CCDC24: variants seen among roughly 807,000 people sequenced by gnomAD.
CCDC24 encodes coiled-coil domain-containing protein 24.
In CCDC24, 34 loss-of-function variants were observed where a neutral mutation model predicts 31.6. The ratio of observed to expected loss-of-function variants is 1.08; its 90% CI spans 0.82 to 1.43. CCDC24 has a LOEUF of 1.43. Among genes scored for constraint, CCDC24 ranks in the 40% most tolerant of loss-of-function variants. The probability of loss-of-function intolerance (pLI) is 0.00; values close to 1 mark genes in which losing one functional copy is unlikely to be tolerated. For missense variants in CCDC24, 426 were observed against 391.1 expected (o/e 1.09, Z -0.75); for synonymous variants, 175 against 157.3 (o/e 1.11, Z -0.84).
At chr1:43,992,696 A>G (rs987985609) in intron 4 of CCDC24, 57 bp downstream of exon 4, 14 of 1,524,332 alleles carry the variant, frequency 9.2e-6, no homozygotes, top group Non-Finnish European at 1.3e-5. Context: ...GCCCTAGCCC[A>G]CTGGTGGGTT....
Position 43,991,786 on chromosome 1 carries a change from G to A in CCDC24, c.-33+40G>A, listed in dbSNP as rs925574402. 6 of 1,493,606 alleles carry A rather than the reference G, an allele frequency of 4.0e-6. No individual in the cohort carries two copies. In the African/African-American group the frequency reaches 8.3e-5, roughly 21 times the overall value. The allele number at this position is 1,493,606 out of a possible 1,614,324, so 92.5% of individuals were successfully genotyped here. ...AGGGCGGGGCCCATAGAGGGGCGGG[G>A]TTTGGTGAGCGTTGCCGGCGGGCCC... On this transcript the variant is annotated intron_variant, in intron 1 of 8. Transcript: ENST00000372318.
Position 43,992,022 on chromosome 1 carries a change from G to T in CCDC24, c.126+18G>T. 6.7e-7 allele frequency: 1 copy of T among 1,488,344 alleles called. No homozygotes were observed. The highest frequency in any genetic ancestry group is 1.3e-5 in the South Asian group (1 of 75,228). 92.2% of individuals were successfully genotyped at this position (1,488,344 alleles called of 1,614,324 possible). On this transcript the variant is annotated intron_variant, in intron 2 of 8. Transcript: ENST00000372318. ...GGGCGGAGGTGGGGAGAGGGAAGGT[G>T]GGCCACGCCCCTGGCCTGCCCCACG...
In CCDC24 at chr1:43,991,633, G is replaced by A. The variant is rs12403036; in HGVS notation, c.-146G>A. The A allele has an allele frequency of 0.67, 473,318 of 706,032 alleles. 167,701 individuals are homozygous for A. The highest frequency in any genetic ancestry group is 0.76 in the Non-Finnish European group (293,351 of 388,442). The allele number at this position is 706,032 out of a possible 1,614,324, so 43.7% of individuals were successfully genotyped here. On this transcript the variant is annotated 5_prime_UTR_variant, in exon 1 of 9. Coordinates refer to ENST00000372318, the MANE Select transcript of CCDC24 (RefSeq NM_152499.4). ...GCTAGGGCCCTGGTTCCCACTGCCTGGTTTCTGGGCCCCCGGCATCCGAGT... is the reference window on the plus strand; with the variant it reads ...GCTAGGGCCCTGGTTCCCACTGCCTAGTTTCTGGGCCCCCGGCATCCGAGT...
intron 4 of CCDC24, 99 bp downstream of exon 4, chr1:43,992,738 C>T (rs943387196): frequency 1.8e-5 from 19 of 1,078,554 alleles, no homozygotes; most frequent in East Asian, 2.5e-5. Flanking sequence ...ATTCCAGTCA[C>T]GGGCTGGGCA....
chr1:43,996,481 G>T lies in CCDC24; in HGVS notation c.*321G>T, dbSNP rs199629914. The T allele has an allele frequency of 2.8e-6, 1 of 353,376 alleles. No homozygotes were observed. The highest frequency in any genetic ancestry group is 2.1e-5 in the African/African-American group (1 of 47,528). The allele number at this position is 353,376 out of a possible 1,614,324, so 21.9% of individuals were successfully genotyped here. On this transcript the variant is annotated 3_prime_UTR_variant, in exon 9 of 9. Coordinates refer to ENST00000372318, the MANE Select transcript of CCDC24 (RefSeq NM_152499.4). Reference sequence around the variant, plus strand: ...GGGACCCAGACAAAGCACAGCAGCCGCTCAGAGACAGGAATAGAAATTTCA... The same window carrying T: ...GGGACCCAGACAAAGCACAGCAGCCTCTCAGAGACAGGAATAGAAATTTCA...
intron 4 of CCDC24, 98 bp from the exon 5 acceptor site, chr1:43,993,789 C>A: frequency 8.7e-7 from 1 of 1,153,390 alleles, no homozygotes; most frequent in Non-Finnish European, 1.3e-6. Flanking sequence ...TATTATATTG[C>A]CTTTGTGAGA....
rs2085851784 is a variant in CCDC24 at position 43,996,128 on chromosome 1, A to G, written c.892A>G (p.Met298Val). ...SPREGPASTP[M>V]SSAAPQAPA The stretch of plus-strand genomic sequence containing the variant: ...CAGGGAAGGGCCAGCTTCCACACCC[A>G]TGTCCAGTGCAGCACCCCAAGCCCC... Residue 298 changes from methionine (M) to valine (V), a missense_variant, in exon 9 of 9, where the codon ATG (methionine) becomes GTG (valine). Met to Val is a conservative substitution (Grantham distance 21). Transcript: ENST00000372318. 6.2e-7 allele frequency: 1 copy of G among 1,611,106 alleles called. No individual in the cohort carries two copies. The highest frequency in any genetic ancestry group is 1.3e-5 in the African/African-American group (1 of 74,882).
At position 43,995,271 on chromosome 1, in the gene CCDC24, G is replaced by C; in HGVS notation, c.552+109G>C. On this transcript the variant is annotated intron_variant, in intron 6 of 8. Transcript: ENST00000372318. This position sits in a 1 kb window ranked among gnomAD's most constrained non-coding sequence, Gnocchi z 4.3. Reference sequence around the variant, plus strand: ...ATACATAGGTGCATGTACAGGCTATGTGAGTCCTGCATCCATTTCTCAGGG... The same window carrying C: ...ATACATAGGTGCATGTACAGGCTATCTGAGTCCTGCATCCATTTCTCAGGG... 9.0e-7 allele frequency: 1 copy of C among 1,114,684 alleles called. No individual in the cohort carries two copies. The highest frequency in any genetic ancestry group is 1.3e-6 in the Non-Finnish European group (1 of 766,904). 69.0% of individuals were successfully genotyped at this position (1,114,684 alleles called of 1,614,324 possible).
rs773121666 is a variant in CCDC24, at chr1:43,992,649, T to C, written c.419+10T>C. ...GAGGTGGTGGGCCCAGGTAAGGTGA[T>C]GGTAGGAGAGAGGGATCTGTCCCTG... On this transcript the variant is annotated intron_variant, in intron 4 of 8. Transcript: ENST00000372318. 1.2e-6 allele frequency: 2 copies of C among 1,612,752 alleles called. No individual in the cohort carries two copies. The highest frequency in any genetic ancestry group is 3.3e-5 in the Admixed American group (2 of 60,004).
rs755769696 is a variant in CCDC24 at position 43,995,727 on chromosome 1, G to A, written c.623-51G>A. On this transcript the variant is annotated intron_variant, in intron 7 of 8. Transcript: ENST00000372318. The surrounding 1 kb of genome is among the most constrained non-coding windows in gnomAD (Gnocchi z 4.3). ...AGCCTCCTGCTCCCACCCCACACTTGTACACACCCTAGAAGAGCTGGGCAC... is the reference window on the plus strand; with the variant it reads ...AGCCTCCTGCTCCCACCCCACACTTATACACACCCTAGAAGAGCTGGGCAC... The A allele has an allele frequency of 5.6e-6, 9 of 1,613,292 alleles. No individual in the cohort carries two copies. The Admixed American group carries it at 1.5e-4, about 27-fold the overall frequency.
rs1194511529 is a variant in CCDC24 at position 43,995,236 on chromosome 1, A to C, written c.552+74A>C. On this transcript the variant is annotated intron_variant, in intron 6 of 8. Coordinates refer to ENST00000372318, the MANE Select transcript of CCDC24 (RefSeq NM_152499.4). This position sits in a 1 kb window ranked among gnomAD's most constrained non-coding sequence, Gnocchi z 4.3. Reference sequence around the variant, plus strand: ...ACTCTCACCTGGGTGAGACCCATGTACCTGTGTGCATACATAGGTGCATGT... The same window carrying C: ...ACTCTCACCTGGGTGAGACCCATGTCCCTGTGTGCATACATAGGTGCATGT... 1 of 1,414,642 alleles carries C rather than the reference A, an allele frequency of 7.1e-7. No individual in the cohort carries two copies. The highest frequency in any genetic ancestry group is 9.7e-7 in the Non-Finnish European group (1 of 1,032,688). The allele number at this position is 1,414,642 out of a possible 1,614,324, so 87.6% of individuals were successfully genotyped here. A position where few individuals can be genotyped will look rare whatever the true frequency, so the allele number is the denominator to read the frequency against.
chr1:43,993,640 T>A (rs1439150820), intron 4 of CCDC24, among the ~76,000 whole-genome samples: 2 of 147,398 alleles, frequency 1.4e-5, no homozygotes, highest in Non-Finnish European at 3.0e-5. Flanking sequence ...GAGCACAATC[T>A]TGTCTCAAAA....
At position 43,995,588 on chromosome 1, in the gene CCDC24, G is replaced by T; in HGVS notation, c.553-13G>T. 1 of 1,597,968 alleles carries T rather than the reference G, an allele frequency of 6.3e-7. No homozygotes were observed. Among genetic ancestry groups the T allele is most frequent in the Non-Finnish European group, 8.5e-7 (1 of 1,170,744 alleles). ...TGCCTTGAGTCTGGGCACTGACGCA[G>T]CTCTCCCTGCAGCGCTGCCTGGAAG... On this transcript the variant is annotated splice_polypyrimidine_tract_variant and intron_variant, in intron 6 of 8. Transcript: ENST00000372318. The surrounding 1 kb of genome is among the most constrained non-coding windows in gnomAD (Gnocchi z 4.3).
In CCDC24 at chr1:43,995,105, CA is replaced by C. The variant is rs1175333920; in HGVS notation, c.498-2del. ...TTCTGGCTGCTGCTCCCTCATGTCC[CA>C]GGGGCCTTCTGGAGGAGGAGTGTCA... On this transcript the variant is annotated splice_acceptor_variant, in intron 5 of 8. Coordinates refer to ENST00000372318, the MANE Select transcript of CCDC24 (RefSeq NM_152499.4). LOFTEE classifies it high-confidence loss of function. This position sits in a 1 kb window ranked among gnomAD's most constrained non-coding sequence, Gnocchi z 4.3. The C allele has an allele frequency of 3.8e-6, 6 of 1,579,988 alleles. No homozygotes were observed. In the South Asian group the frequency reaches 4.6e-5, roughly 12 times the overall value.
At chr1:43,992,152 G>A (rs772564519) in intron 2 of CCDC24, 60 bp from the exon 3 acceptor site, 1 of 1,534,046 alleles carries the variant, frequency 6.5e-7, no homozygotes, top group Non-Finnish European at 8.9e-7. Flanking sequence ...CACTCCCCCA[G>A]CCCCCACCAT....
At position 43,995,575 on chromosome 1, in the gene CCDC24, G is replaced by C. The variant is rs1234008555; in HGVS notation, c.553-26G>C. The C allele has an allele frequency of 1.3e-6, 2 of 1,584,162 alleles. No homozygotes were observed. Among genetic ancestry groups the C allele is most frequent in the Non-Finnish European group, 1.7e-6 (2 of 1,163,024 alleles). On this transcript the variant is annotated intron_variant, in intron 6 of 8. Coordinates refer to ENST00000372318, the MANE Select transcript of CCDC24 (RefSeq NM_152499.4). This position sits in a 1 kb window ranked among gnomAD's most constrained non-coding sequence, Gnocchi z 4.3. ...CTTGCCCCACCCCTGCCTTGAGTCT[G>C]GGCACTGACGCAGCTCTCCCTGCAG...
intron 4 of CCDC24, 27 bp downstream of exon 4, chr1:43,992,666 C>G: frequency 1.2e-6 from 2 of 1,605,584 alleles, no homozygotes; most frequent in South Asian, 2.2e-5. Flanking sequence ...AGAGAGGGAT[C>G]TGTCCCTGCT....
intron 5 of CCDC24, chr1:43,994,440 T>TTCTG (rs2085793741): frequency 6.5e-6 from 1 of 153,836 alleles, no homozygotes; most frequent in Non-Finnish European, 1.4e-5. Context: ...CTTTCTTTCT[T>TTCTG]TCTTTTTTTT....
chr1:43,995,828 G>C lies in CCDC24; in HGVS notation c.673G>C (p.Gly225Arg), dbSNP rs1461746808. ...GGAGCAGGAGCTGCAGGCATCTGTG[G>C]GGCCTTCTTGTGTCTCTCCCAACCA... ...AMEQELQASV[G>R]PSCVSPNHRQ... Residue 225 changes from glycine to arginine, a missense_variant, in exon 8 of 9, where the codon GGG becomes CGG. Gly to Arg is a moderately radical substitution (Grantham distance 125). Transcript: ENST00000372318. This position sits in a 1 kb window ranked among gnomAD's most constrained non-coding sequence, Gnocchi z 4.3. The C allele has an allele frequency of 6.2e-7, 1 of 1,614,228 alleles. No homozygotes were observed. Among genetic ancestry groups the C allele is most frequent in the Admixed American group, 1.7e-5 (1 of 60,032 alleles).
Sources: allele counts gnomAD v4.1 joint callset (sites outside exome capture counted in the v4.1 genomes callset), GRCh38; gene constraint gnomAD v4.1.1; non-coding constraint Gnocchi (gnomAD v3.1); transcripts MANE v1.5; gene names NCBI Gene and HGNC (gene_info 2026-07-23, HGNC 2026-07-21).